DAW1: variants seen among roughly 807,000 people sequenced by gnomAD.
DAW1 encodes the protein dynein assembly factor with WD repeats 1.
DAW1 carries 47 observed loss-of-function variants against 56.5 expected under a neutral mutation model. The ratio of observed to expected loss-of-function variants is 0.83; its 90% CI spans 0.66 to 1.06. The LOEUF (loss-of-function observed/expected upper bound fraction) is 1.06, where lower values mean the gene tolerates loss of function less well. DAW1 is among the 50% of genes least tolerant of loss of function. The pLI, the probability that DAW1 is intolerant of heterozygous loss-of-function variation, is 0.00. For missense variants in DAW1, 505 were observed against 499.3 expected, an observed-to-expected ratio of 1.01 and a Z score of -0.11; for synonymous variants, 190 against 179.0, an observed-to-expected ratio of 1.06 and a Z score of -0.49.
chr2:227,894,960 A>G (rs1410694302), intron 5 of DAW1, among the ~76,000 whole-genome samples: 2 of 152,262 alleles, frequency 1.3e-5, no homozygotes, highest in African/African-American at 2.4e-5. Context: ...TATTACATAA[A>G]CCAATAAAAT....
chr2:227,907,837 C>T (rs181999528), intron 10 of DAW1, among the ~76,000 whole-genome samples: 84 of 152,296 alleles, frequency 5.5e-4, no homozygotes, highest in Non-Finnish European at 8.5e-4. Context: ...CGTGAGCCAC[C>T]GTGCCCAGCT....
intron 10 of DAW1, among the ~76,000 whole-genome samples, chr2:227,913,928 T>TA (rs201424453): frequency 0.42 from 61,429 of 145,262 alleles, 13,897 homozygotes; most frequent in Middle Eastern, 0.53. Context: ...TCTATCTATC[T>TA]TCATCATCAT....
chr2:227,914,857 A>T (rs1446021142), intron 10 of DAW1, among the ~76,000 whole-genome samples: 1 of 152,104 alleles, frequency 6.6e-6, no homozygotes, highest in Non-Finnish European at 1.5e-5. Flanking sequence ...TAATCACATG[A>T]TATGTTTACA....
At chr2:227,916,520 A>G (rs1342727698) in intron 10 of DAW1, among the ~76,000 whole-genome samples, 1 of 152,168 alleles carries the variant, frequency 6.6e-6, no homozygotes, top group Non-Finnish European at 1.5e-5. Context: ...TTGAAAACCA[A>G]GTATGATGCT....
intron 10 of DAW1, chr2:227,912,327 G>T: frequency 4.6e-6 from 6 of 1,299,026 alleles, no homozygotes; most frequent in Non-Finnish European, 6.1e-6. Flanking sequence ...GCGCCTCCCA[G>T]GTTCAAGCGA....
intron 5 of DAW1, among the ~76,000 whole-genome samples, chr2:227,896,635 A>AT (rs1691416119): frequency 7.5e-6 from 1 of 133,214 alleles, no homozygotes; most frequent in African/African-American, 2.9e-5. Flanking sequence ...TGTGTGTATG[A>AT]GAGAGAGAGA....
chr2:227,906,554 A>G lies in DAW1; in HGVS notation c.858+216A>G, dbSNP rs114050319. Among the ~76,000 whole-genome samples, 275 of 152,334 alleles carry G rather than the reference A, an allele frequency of 1.8e-3. 1 individual carries two copies. The highest frequency in any genetic ancestry group is 6.2e-3 in the African/African-American group (257 of 41,586). Reference sequence around the variant, plus strand: ...AAGCAATTTGAATTGCTTCAAGTATATTAAATATCTTATTTGAGAAGGCAT... The same window carrying G: ...AAGCAATTTGAATTGCTTCAAGTATGTTAAATATCTTATTTGAGAAGGCAT... On this transcript the variant is annotated intron_variant, in intron 9 of 12. Transcript: ENST00000309931.
chr2:227,913,758 G>A (rs1364272238), intron 10 of DAW1, among the ~76,000 whole-genome samples: 1 of 151,928 alleles, frequency 6.6e-6, no homozygotes, highest in African/African-American at 2.4e-5. Context: ...CCTGTACTAT[G>A]CATATGTCAT....
At chr2:227,921,026 C>T (rs1004083461) in intron 11 of DAW1, among the ~76,000 whole-genome samples, 2 of 152,088 alleles carry the variant, frequency 1.3e-5, no homozygotes, top group African/African-American at 2.4e-5. Flanking sequence ...GGTTTGGCTA[C>T]GAAGGATCCT....
intron 10 of DAW1, among the ~76,000 whole-genome samples, chr2:227,913,130 A>G (rs1243314677): frequency 1.3e-5 from 2 of 152,134 alleles, no homozygotes; most frequent in Admixed American, 6.6e-5. Context: ...GTGACATGCA[A>G]TTTTAGGATT....
chr2:227,890,870 C>T (rs200240548), intron 3 of DAW1, among the ~76,000 whole-genome samples: 1 of 132,014 alleles, frequency 7.6e-6, no homozygotes, highest in Non-Finnish European at 1.7e-5. Context: ...TATGTATATG[C>T]ATTCAATAAA....
chr2:227,878,563 A>C (rs1244372137), intron 1 of DAW1, among the ~76,000 whole-genome samples: 1 of 152,192 alleles, frequency 6.6e-6, no homozygotes, highest in Non-Finnish European at 1.5e-5. Context: ...TTCTACAAAA[A>C]ATTAAAAAAT....
At chr2:227,908,736 G>A (rs1012301881) in intron 10 of DAW1, among the ~76,000 whole-genome samples, 1 of 152,030 alleles carries the variant, frequency 6.6e-6, no homozygotes, top group African/African-American at 2.4e-5. Context: ...TAACCACATG[G>A]TACTATACTA....
chr2:227,918,693 G>A, intron 10 of DAW1, 87 bp from the exon 11 acceptor site: 1 of 1,401,812 alleles, frequency 7.1e-7, no homozygotes, highest in African/African-American at 1.4e-5. Context: ...TGTGTCAGGG[G>A]GATATATATT....
chr2:227,921,764 A>G (rs1460087526), intron 12 of DAW1, among the ~76,000 whole-genome samples: 1 of 152,150 alleles, frequency 6.6e-6, no homozygotes, highest in Admixed American at 6.5e-5. Context: ...TGACTGTAGT[A>G]AGCCTTTGTG....
chr2:227,906,707 A>T (rs1721334), intron 9 of DAW1, among the ~76,000 whole-genome samples: 30,376 of 152,102 alleles, frequency 0.2, 3,282 homozygotes, highest in Middle Eastern at 0.31. Flanking sequence ...TTACTAAGAG[A>T]TTATACTATG....
chr2:227,919,278 G>C (rs1229229618), intron 11 of DAW1, among the ~76,000 whole-genome samples: 1 of 148,766 alleles, frequency 6.7e-6, no homozygotes, highest in African/African-American at 2.5e-5. Context: ...ATTAAGATTT[G>C]TTCTATTGTC....
intron 6 of DAW1, among the ~76,000 whole-genome samples, chr2:227,899,988 A>T (rs752791439): frequency 6.6e-6 from 1 of 152,222 alleles, no homozygotes; most frequent in Non-Finnish European, 1.5e-5. Context: ...CTAAAAATTC[A>T]TGGTATATTC....
chr2:227,918,171 T>TCCATCATCCATC (rs376323426), intron 10 of DAW1, among the ~76,000 whole-genome samples: 13 of 124,194 alleles, frequency 1.0e-4, no homozygotes, highest in South Asian at 8.6e-4. Flanking sequence ...CATCCATCCA[T>TCCATCATCCATC]CATCCATCCA....
Sources: allele counts gnomAD v4.1 joint callset (sites outside exome capture counted in the v4.1 genomes callset), GRCh38; gene constraint gnomAD v4.1.1; transcripts MANE v1.5; gene names NCBI Gene and HGNC (gene_info 2026-07-23, HGNC 2026-07-21).